The following FAT2 variants were observed in gnomAD, a reference collection of about 807,000 sequenced individuals.
The protein encoded by FAT2 is protocadherin Fat 2.
FAT2 carries 150 observed loss-of-function variants against 295.3 expected under a neutral mutation model. That is an observed-to-expected ratio of 0.51 (90% confidence interval 0.44 to 0.58). FAT2 has a LOEUF of 0.58. FAT2 is among the 20% of genes least tolerant of loss of function. FAT2 has a pLI of 0.00. For synonymous variants in FAT2, 2,026 were observed against 2,150.3 expected, an observed-to-expected ratio of 0.94 and a Z score of 1.60; for missense variants, 4,868 against 5,442.7, an observed-to-expected ratio of 0.89 and a Z score of 3.32.
At chr5:151,570,578 G>T (rs762233579) in intron 1 of FAT2, among the ~76,000 whole-genome samples, 3 of 152,216 alleles carry the variant, frequency 2.0e-5, no homozygotes, top group Non-Finnish European at 4.4e-5. Flanking sequence ...ACTCACCAGG[G>T]CCAAGGATGG....
At chr5:151,576,048 G>T (rs1038493255) in intron 1 of FAT2, among the ~76,000 whole-genome samples, 1 of 152,198 alleles carries the variant, frequency 6.6e-6, no homozygotes, top group African/African-American at 2.4e-5. Flanking sequence ...AGAGAAGAAT[G>T]CTGGGTCCAC....
At chr5:151,524,451 A>G (rs1163022948) in intron 18 of FAT2, among the ~76,000 whole-genome samples, 2 of 152,178 alleles carry the variant, frequency 1.3e-5, no homozygotes, top group East Asian at 3.9e-4. Context: ...TGATACAATG[A>G]GAAGCCGACA....
At chr5:151,560,763 C>A (rs995180303) in intron 3 of FAT2, among the ~76,000 whole-genome samples, 8 of 152,230 alleles carry the variant, frequency 5.3e-5, no homozygotes, top group Non-Finnish European at 8.8e-5. Context: ...AACTCCACAG[C>A]ACATTGTTTA....
In FAT2 at chr5:151,585,539, G is replaced by A. The variant is rs144818377; in HGVS notation, c.-21+5626C>T. Among the ~76,000 whole-genome samples the A allele has an allele frequency of 7.7e-3, 1,177 of 152,332 alleles. 20 individuals are homozygous for A. The highest frequency in any genetic ancestry group is 0.027 in the African/African-American group (1,128 of 41,570). ...AGTCAGGAGAATCACTTGAATCCGG[G>A]AAGTGGAGTTTGCAATGAGCTGAGT... On this transcript the variant is annotated intron_variant, in intron 1 of 23. Transcript: ENST00000261800.
intron 11 of FAT2, 90 bp downstream of exon 11, chr5:151,540,477 C>T (rs1426127521): frequency 1.7e-6 from 2 of 1,200,708 alleles, no homozygotes; most frequent in Non-Finnish European, 1.2e-6. Flanking sequence ...CTCAATCTCC[C>T]TTCTCCTGCT....
At chr5:151,534,359 A>T in intron 13 of FAT2, 50 bp downstream of exon 13, 1 of 1,463,886 alleles carries the variant, frequency 6.8e-7, no homozygotes, top group Non-Finnish European at 9.3e-7. Flanking sequence ...CCCTTGCCCA[A>T]GGTGACCCAG....
At chr5:151,538,084 A>G (rs778101800) in intron 11 of FAT2, 138 bp from the exon 12 acceptor site, 7 of 645,134 alleles carry the variant, frequency 1.1e-5, no homozygotes, top group African/African-American at 1.8e-5. Context: ...GACAGAAAAA[A>G]GAACAGAGAC....
At chr5:151,508,995 C>A (rs1331583430) in intron 22 of FAT2, among the ~76,000 whole-genome samples, 1 of 152,000 alleles carries the variant, frequency 6.6e-6, no homozygotes, top group Non-Finnish European at 1.5e-5. Context: ...GTTTGGGAGC[C>A]CTAAAACCAG....
intron 1 of FAT2, among the ~76,000 whole-genome samples, chr5:151,583,433 A>C (rs181787138): frequency 6.6e-6 from 1 of 152,330 alleles, no homozygotes; most frequent in East Asian, 1.9e-4. Context: ...GGGCAAAAGA[A>C]GTCATATATT....
At chr5:151,554,301 C>A in intron 5 of FAT2, 61 bp downstream of exon 5, 1 of 1,498,124 alleles carries the variant, frequency 6.7e-7, no homozygotes, top group Non-Finnish European at 9.1e-7. Flanking sequence ...CCTGAATTCT[C>A]AAAGAAGGCC....
At chr5:151,594,768 C>T (rs746117168), upstream of FAT2, among the ~76,000 whole-genome samples, 16 of 152,250 alleles carry the variant, frequency 1.1e-4, no homozygotes, top group South Asian at 4.1e-4. Context: ...AATGAGGGGA[C>T]GGAGCAGAGG....
chr5:151,591,851 T>C (rs550734184), upstream of FAT2, among the ~76,000 whole-genome samples: 1 of 152,298 alleles, frequency 6.6e-6, no homozygotes, highest in East Asian at 1.9e-4. Flanking sequence ...AAGGTTGTTA[T>C]GAGAATTAAA....
chr5:151,563,780 C>T (rs1380048181), intron 2 of FAT2, 141 bp from the exon 3 acceptor site: 1 of 660,012 alleles, frequency 1.5e-6, no homozygotes, highest in African/African-American at 1.8e-5. Flanking sequence ...GGAACTGCTT[C>T]TACCAGTATA....
intron 9 of FAT2, among the ~76,000 whole-genome samples, chr5:151,548,545 A>G (rs1022203419): frequency 2.0e-5 from 3 of 152,084 alleles, no homozygotes; most frequent in African/African-American, 7.2e-5. Flanking sequence ...CAATGGTGCA[A>G]TCTCAGCTCA....
At chr5:151,580,191 T>G (rs1269299673) in intron 1 of FAT2, among the ~76,000 whole-genome samples, 1 of 152,234 alleles carries the variant, frequency 6.6e-6, no homozygotes, top group Non-Finnish European at 1.5e-5. Context: ...CCAGCTCCAC[T>G]GTCAACCTGG....
intron 1 of FAT2, among the ~76,000 whole-genome samples, chr5:151,577,388 G>A (rs956138413): frequency 4.6e-5 from 7 of 152,356 alleles, no homozygotes; most frequent in African/African-American, 1.7e-4. Flanking sequence ...CTGAGGGCCT[G>A]CCCTGTGCCA....
intron 1 of FAT2, among the ~76,000 whole-genome samples, chr5:151,587,972 C>T (rs755108575): frequency 1.6e-4 from 24 of 152,146 alleles, no homozygotes; most frequent in East Asian, 3.8e-4. Flanking sequence ...CTGTTGAGTG[C>T]GTGCCAACCC....
chr5:151,507,687 G>T, intron 22 of FAT2, 76 bp from the exon 23 acceptor site: 1 of 1,325,188 alleles, frequency 7.5e-7, no homozygotes, highest in Non-Finnish European at 1.0e-6. Flanking sequence ...AGATCTATGG[G>T]ATAGAGACTG....
At position 151,550,539 on chromosome 5, in the gene FAT2, C is replaced by G. The variant is rs1430713222; in HGVS notation, c.4578+51G>C. On this transcript the variant is annotated intron_variant, in intron 8 of 23. Coordinates refer to ENST00000261800, the MANE Select transcript of FAT2 (RefSeq NM_001447.3). ...AGCATGTCTCCAAGCATGTCCACCC[C>G]TACACATCTACATGCAAACGTATTC... 3.1e-6 allele frequency: 5 copies of G among 1,589,562 alleles called. No homozygotes were observed. The Admixed American group carries it at 5.1e-5, about 16-fold the overall frequency.
Sources: gnomAD v4.1 joint callset for allele counts (sites outside exome capture counted in the v4.1 genomes callset) on GRCh38, gnomAD v4.1.1 for gene constraint, MANE v1.5 for transcripts, NCBI Gene and HGNC (gene_info 2026-07-23, HGNC 2026-07-21) for gene names.